CALCR: variants seen among roughly 807,000 people sequenced by gnomAD.
CALCR encodes calcitonin receptor.
Under a neutral mutation model 59.5 loss-of-function variants are expected in CALCR, and 47 were observed. The ratio of observed to expected loss-of-function variants is 0.79; its 90% CI spans 0.63 to 1.01. CALCR has a LOEUF of 1.01. Ranked by LOEUF, CALCR falls within the 50% of genes least tolerant of loss-of-function variation. The pLI is 0.00. For synonymous variants in CALCR, 213 were observed against 211.3 expected (o/e 1.01, Z -0.07); for missense variants, 566 against 597.1 (o/e 0.95, Z 0.54).
chr7:93,441,732 G>A (rs1799910494), intron 9 of CALCR, among the ~76,000 whole-genome samples: 1 of 152,106 alleles, frequency 6.6e-6, no homozygotes, highest in Non-Finnish European at 1.5e-5. Context: ...TTATAAGGGA[G>A]CAGCCATGCA....
intron 2 of CALCR, among the ~76,000 whole-genome samples, chr7:93,547,854 C>G (rs543347797): frequency 6.6e-6 from 1 of 152,218 alleles, no homozygotes; most frequent in South Asian, 2.1e-4. Flanking sequence ...GGCCTCAGAA[C>G]ATTGTACGGG....
chr7:93,443,605 C>A lies in CALCR; in HGVS notation c.801G>T (p.Trp267Cys). 6.2e-7 allele frequency: 1 copy of A among 1,612,404 alleles called. No homozygotes were observed. The highest frequency in any genetic ancestry group is 8.5e-7 in the Non-Finnish European group (1 of 1,179,142). The change falls in exon 9 of 14, where the codon TGG (tryptophan) becomes TGT (cysteine). Residue 267 changes from tryptophan to cysteine, a missense_variant and splice_region_variant. By Grantham distance (215) the Trp-to-Cys change is radical. Transcript: ENST00000426151. Reference protein sequence around the residue: ...QRLRWYYLLGWGFPLVPTTIH... With the variant: ...QRLRWYYLLGCGFPLVPTTIH... The stretch of plus-strand genomic sequence containing the variant: ...AACTTAGCTGCAGAAAATACATACC[C>A]CAGCCCAAGAGATAATACCACCGCA...
chr7:93,484,050 T>C (rs1389896761), intron 3 of CALCR: 1 of 493,960 alleles, frequency 2.0e-6, no homozygotes, highest in Non-Finnish European at 4.3e-6. Flanking sequence ...CCAAACATCA[T>C]CAGTTTTTTT....
chr7:93,509,617 C>T (rs1043547687), intron 2 of CALCR, among the ~76,000 whole-genome samples: 1 of 152,162 alleles, frequency 6.6e-6, no homozygotes, highest in African/African-American at 2.4e-5. Flanking sequence ...ATTTGGAATA[C>T]TCACATATGT....
chr7:93,516,027 A>G (rs961261), intron 2 of CALCR, among the ~76,000 whole-genome samples: 60,553 of 151,682 alleles, frequency 0.4, 12,813 homozygotes, highest in South Asian at 0.48. Context: ...TTTTCTTTTT[A>G]ATGATACATA....
chr7:93,524,314 C>G (rs374275481), intron 2 of CALCR, among the ~76,000 whole-genome samples: 3 of 151,640 alleles, frequency 2.0e-5, no homozygotes, highest in African/African-American at 7.3e-5. Flanking sequence ...GGACTACAGG[C>G]GCCTGCCACC....
intron 2 of CALCR, among the ~76,000 whole-genome samples, chr7:93,565,583 A>AT (rs1789846258): frequency 6.6e-6 from 1 of 152,046 alleles, no homozygotes; most frequent in Admixed American, 6.5e-5. Context: ...GTAAATTTTT[A>AT]TTTTTTTCTA....
At chr7:93,472,587 C>A in intron 5 of CALCR, 100 bp from the exon 6 acceptor site, 3 of 687,058 alleles carry the variant, frequency 4.4e-6, no homozygotes, top group Non-Finnish European at 7.8e-6. Flanking sequence ...ATATTAATCA[C>A]TTTATAGAAC....
At chr7:93,567,719 G>A (rs1252812779) in intron 2 of CALCR, among the ~76,000 whole-genome samples, 4 of 142,586 alleles carry the variant, frequency 2.8e-5, no homozygotes, top group Non-Finnish European at 6.1e-5. Context: ...CCCCCCAACA[G>A]GCCCCAGTGT....
rs138082946 is a variant in CALCR, at chr7:93,504,897, T to C, written c.-26-17890A>G. ...CCATACAAGACTTATGCAAGAATCT[T>C]AGGGGTGCAGCAATATTTCCATGTG... On this transcript the variant is annotated intron_variant, in intron 2 of 13. Transcript: ENST00000426151. Among the ~76,000 whole-genome samples the C allele has an allele frequency of 3.5e-3, 526 of 152,260 alleles. 3 individuals carry two copies. Among genetic ancestry groups the C allele is most frequent in the African/African-American group, 0.012 (494 of 41,550 alleles).
intron 2 of CALCR, among the ~76,000 whole-genome samples, chr7:93,549,620 T>C (rs144794438): frequency 0.017 from 2,649 of 152,294 alleles, 73 homozygotes; most frequent in African/African-American, 0.06. Context: ...AATGAAAACA[T>C]CAAAGCAAAA....
intron 2 of CALCR, among the ~76,000 whole-genome samples, chr7:93,488,653 TA>T (rs924712900): frequency 2.6e-5 from 3 of 113,524 alleles, no homozygotes; most frequent in East Asian, 2.7e-4. Context: ...ACCAACAAGA[TA>T]AAAAAAAAGA....
chr7:93,533,270 A>G (rs1206970468), intron 2 of CALCR, among the ~76,000 whole-genome samples: 6 of 151,990 alleles, frequency 3.9e-5, no homozygotes, highest in African/African-American at 1.4e-4. Flanking sequence ...ATGGGACTCA[A>G]TTAATGTGGT....
At chr7:93,496,193 G>T (rs1238125201) in intron 2 of CALCR, among the ~76,000 whole-genome samples, 1 of 151,416 alleles carries the variant, frequency 6.6e-6, no homozygotes, top group Non-Finnish European at 1.5e-5. Flanking sequence ...CCCATGAGAA[G>T]CAGCATAAAA....
chr7:93,549,761 A>T (rs1405659467), intron 2 of CALCR, among the ~76,000 whole-genome samples: 2 of 152,228 alleles, frequency 1.3e-5, no homozygotes, highest in Non-Finnish European at 2.9e-5. Flanking sequence ...GCAGCTATGT[A>T]TCTTTATAAC....
chr7:93,441,364 T>C (rs1320347616), intron 9 of CALCR: 1 of 326,448 alleles, frequency 3.1e-6, no homozygotes, highest in Non-Finnish European at 6.0e-6. Flanking sequence ...GGTCTTTGAC[T>C]GGAAGGCATT....
Position 93,435,468 on chromosome 7 carries a change from T to A in CALCR, c.1149+484A>T, listed in dbSNP as rs148553341. Among the ~76,000 whole-genome samples, 1,274 of 152,246 alleles carry A rather than the reference T, an allele frequency of 8.4e-3. 7 individuals carry two copies. Among genetic ancestry groups the A allele is most frequent in the South Asian group, 0.026 (127 of 4,820 alleles). ...AGAGCCTCAAAAAAACTGGTGTCCT[T>A]CAGAATTTTGGCTGGGCTTATTGAA... On this transcript the variant is annotated intron_variant, in intron 12 of 13. Coordinates refer to ENST00000426151, the MANE Select transcript of CALCR (RefSeq NM_001742.4).
intron 2 of CALCR, among the ~76,000 whole-genome samples, chr7:93,571,070 A>G (rs1472203358): frequency 6.6e-6 from 1 of 152,218 alleles, no homozygotes; most frequent in Non-Finnish European, 1.5e-5. Context: ...ACATATGTTA[A>G]TATGATTTTC....
At chr7:93,565,119 A>G (rs1199142403) in intron 2 of CALCR, among the ~76,000 whole-genome samples, 1 of 152,204 alleles carries the variant, frequency 6.6e-6, no homozygotes, top group Non-Finnish European at 1.5e-5. Context: ...TGCATTTGCT[A>G]ATGGCTCCCT....
Sources: allele counts gnomAD v4.1 joint callset (sites outside exome capture counted in the v4.1 genomes callset), GRCh38; gene constraint gnomAD v4.1.1; transcripts MANE v1.5; gene names NCBI Gene and HGNC (gene_info 2026-07-23, HGNC 2026-07-21).